Variants in EP300 observed in about 807,000 individuals in gnomAD.
EP300 encodes histone acetyltransferase p300.
In EP300, 31 loss-of-function variants were observed where a neutral mutation model predicts 264.0. The ratio of observed to expected loss-of-function variants is 0.12; its 90% CI spans 0.09 to 0.16. EP300 has a LOEUF of 0.16. Ranked by LOEUF, EP300 falls within the 10% of genes least tolerant of loss-of-function variation. The pLI, the probability that EP300 is intolerant of heterozygous loss-of-function variation, is 1.00. For synonymous variants in EP300, 1,340 were observed against 1,045.4 expected (o/e 1.28, Z -5.44); for missense variants, 2,766 against 3,052.9 (o/e 0.91, Z 2.21).
At chr22:41,153,911 T>C (rs927591195) in intron 16 of EP300, among the ~76,000 whole-genome samples, 8 of 152,040 alleles carry the variant, frequency 5.3e-5, no homozygotes, top group Admixed American at 1.3e-4. Context: ...GTAACAAATA[T>C]ACTCTACCGA....
At position 41,147,595 on chromosome 22, in the gene EP300, G is replaced by C. The variant is rs886938438; in HGVS notation, c.2132-242G>C. Among the ~76,000 whole-genome samples, 5 of 152,168 alleles carry C rather than the reference G, an allele frequency of 3.3e-5. No homozygotes were observed. In the East Asian group the frequency reaches 9.7e-4, roughly 30 times the overall value. On this transcript the variant is annotated intron_variant, in intron 11 of 30. Transcript: ENST00000263253. Reference sequence around the variant, plus strand: ...CTACTAAAAATACAAAAAATTAGCTGGGTGTGGTGGCGGACGCCTGTAGTC... The same window carrying C: ...CTACTAAAAATACAAAAAATTAGCTCGGTGTGGTGGCGGACGCCTGTAGTC...
intron 1 of EP300, among the ~76,000 whole-genome samples, chr22:41,102,023 T>C (rs913819739): frequency 7.0e-6 from 1 of 143,742 alleles, no homozygotes; most frequent in African/African-American, 2.5e-5. Flanking sequence ...TGCTTTTTTT[T>C]CTTTTCTTTT....
chr22:41,171,665 G>A (rs1294415935), intron 27 of EP300, among the ~76,000 whole-genome samples: 1 of 139,494 alleles, frequency 7.2e-6, no homozygotes, highest in Non-Finnish European at 1.5e-5. Context: ...TTTTTTTTTT[G>A]GACGGAGTTT....
chr22:41,127,396 A>T (rs770448179), intron 3 of EP300, 91 bp from the exon 4 acceptor site: 20 of 1,552,914 alleles, frequency 1.3e-5, no homozygotes, highest in Non-Finnish European at 1.8e-5. Context: ...GACTAACCAT[A>T]AAGGTTTTCA....
At position 41,176,582 on chromosome 22, in the gene EP300, G is replaced by A. The variant is rs1348608449; in HGVS notation, c.5061+54G>A. On this transcript the variant is annotated intron_variant, in intron 30 of 30. Coordinates refer to ENST00000263253, the MANE Select transcript of EP300 (RefSeq NM_001429.4). Reference sequence around the variant, plus strand: ...GTGAGCTCCGCAGGGTTGTTCTGAGGGGCCATGCAGCCACGTATTTTATAG... The same window carrying A: ...GTGAGCTCCGCAGGGTTGTTCTGAGAGGCCATGCAGCCACGTATTTTATAG... 8 of 1,611,406 alleles carry A rather than the reference G, an allele frequency of 5.0e-6. No homozygotes were observed. In the East Asian group the frequency reaches 1.6e-4, roughly 31 times the overall value.
rs561569141 is a variant in EP300 at position 41,179,288 on chromosome 22, A to AT, written c.*340dup. The AT allele has an allele frequency of 4.6e-3, 1,383 of 301,206 alleles. 16 individuals carry two copies. The highest frequency in any genetic ancestry group is 0.026 in the African/African-American group (1,213 of 47,212). The allele number at this position is 301,206 out of a possible 1,614,324, so 18.7% of individuals were successfully genotyped here. ...CCTTGCACCTCCAATAGGTTTTATT[A>AT]TTTTTTTTAAATTAATGAACATATG... is the stretch of plus-strand genomic sequence containing the variant. On this transcript the variant is annotated 3_prime_UTR_variant, in exon 31 of 31. Coordinates refer to ENST00000263253, the MANE Select transcript of EP300 (RefSeq NM_001429.4).
intron 2 of EP300, among the ~76,000 whole-genome samples, chr22:41,118,177 C>A (rs2058832089): frequency 6.6e-6 from 1 of 152,084 alleles, no homozygotes; most frequent in Non-Finnish European, 1.5e-5. Flanking sequence ...TCCATTTGTT[C>A]CTATTGCTTT....
chr22:41,166,076 C>T (rs553651725), intron 22 of EP300, among the ~76,000 whole-genome samples: 25 of 152,178 alleles, frequency 1.6e-4, no homozygotes, highest in Non-Finnish European at 3.2e-4. Flanking sequence ...GGAGCCACCA[C>T]GCCTGGCTGG....
intron 29 of EP300, among the ~76,000 whole-genome samples, chr22:41,175,424 A>G (rs2059194954): frequency 6.6e-6 from 1 of 152,254 alleles, no homozygotes; most frequent in Non-Finnish European, 1.5e-5. Flanking sequence ...TGTCAAATAC[A>G]TATGTAATAC....
At position 41,093,049 on chromosome 22, in the gene EP300, G is replaced by C. The variant is rs752119517; in HGVS notation, c.45G>C (p.Arg15=). 1 of 1,614,138 alleles carries C rather than the reference G, an allele frequency of 6.2e-7. No individual in the cohort carries two copies. Among genetic ancestry groups the C allele is most frequent in the East Asian group, 2.2e-5 (1 of 44,878 alleles). ...AACCGGGGCCGCCTTCAGCCAAGCG[G>C]CCTAAACTCTCATCTCCGGCCCTCT... ...VVEPGPPSAK[R]PKLSSPALSA... Residue 15 remains arginine (R), a synonymous_variant, in exon 1 of 31, where the codon CGG becomes CGC. Coordinates refer to ENST00000263253, the MANE Select transcript of EP300 (RefSeq NM_001429.4).
intron 12 of EP300, among the ~76,000 whole-genome samples, chr22:41,148,571 C>T (rs1393428218): frequency 6.6e-6 from 1 of 152,116 alleles, no homozygotes; most frequent in Non-Finnish European, 1.5e-5. Flanking sequence ...TGACATGTAA[C>T]AGTGCTAGAG....
At position 41,117,406 on chromosome 22, in the gene EP300, CCAGCCA is replaced by C. The variant is rs762428926; in HGVS notation, c.315_320del (p.Ser106_Gln107del). The C allele has an allele frequency of 5.0e-6, 8 of 1,614,184 alleles. No individual in the cohort carries two copies. In the South Asian group the frequency reaches 8.8e-5, roughly 18 times the overall value. ...GTTGGTGGCCCAGGTCAAGTCATGG[CCAGCCA>C]GGCCCAACAGAGCAGTCCTGGATTA... On this transcript the variant is annotated inframe_deletion, in exon 2 of 31. Coordinates refer to ENST00000263253, the MANE Select transcript of EP300 (RefSeq NM_001429.4).
Position 41,172,672 on chromosome 22 carries a change from A to C in EP300, c.4617+9A>C, listed in dbSNP as rs369538643. On this transcript the variant is annotated intron_variant, in intron 28 of 30. Transcript: ENST00000263253. ...GCAATGAAAGCACAGATGTAAGGGC[A>C]TTGAGTTTCCTTTGAAACTTCTATC... 5.0e-6 allele frequency: 8 copies of C among 1,610,942 alleles called. No homozygotes were observed. The African/African-American group carries it at 1.1e-4, about 22-fold the overall frequency.
intron 29 of EP300, among the ~76,000 whole-genome samples, chr22:41,175,723 T>C (rs1383725003): frequency 6.6e-6 from 1 of 152,226 alleles, no homozygotes; most frequent in Admixed American, 6.5e-5. Context: ...GTAGACTGCC[T>C]TGAGGCAAAA....
Position 41,131,590 on chromosome 22 carries a change from G to T in EP300, c.1485G>T (p.Gln495His). ...QVQAKNQQNQQPGQSPQGMRP... is the reference protein window; with the variant it reads ...QVQAKNQQNQHPGQSPQGMRP... ...AAGCAAAGAACCAGCAGAATCAGCA[G>T]CCTGGGCAGTCTCCCCAAGGCATGC... is the stretch of plus-strand genomic sequence containing the variant. Residue 495 changes from glutamine (Q) to histidine (H), a missense_variant, in exon 6 of 31, where the codon CAG (glutamine) becomes CAT (histidine). Coordinates refer to ENST00000263253, the MANE Select transcript of EP300 (RefSeq NM_001429.4). 1 of 1,614,160 alleles carries T rather than the reference G, an allele frequency of 6.2e-7. No individual in the cohort carries two copies.
At chr22:41,167,664 T>C (rs1480723007) in intron 23 of EP300, among the ~76,000 whole-genome samples, 27 of 129,878 alleles carry the variant, frequency 2.1e-4, no homozygotes, top group African/African-American at 8.0e-4. Flanking sequence ...TTTTTTGTTT[T>C]TTGGAAACAA....
At chr22:41,170,267 C>T (rs2059161913) in intron 26 of EP300, 139 bp from the exon 27 acceptor site, 1 of 753,236 alleles carries the variant, frequency 1.3e-6, no homozygotes, top group Non-Finnish European at 2.2e-6. Flanking sequence ...ATGTTAATCT[C>T]ATTCTGGGTT....
intron 2 of EP300, among the ~76,000 whole-genome samples, chr22:41,122,186 A>T (rs2058856518): frequency 9.0e-6 from 1 of 111,244 alleles, no homozygotes; most frequent in Admixed American, 1.0e-4. Flanking sequence ...TTTTTTGGAG[A>T]CAGAGTTTCG....
Position 41,176,522 on chromosome 22 carries a change from C to T in EP300, c.5055C>T (p.Val1685=), listed in dbSNP as rs2145513976. 1 of 1,613,836 alleles carries T rather than the reference C, an allele frequency of 6.2e-7. No individual in the cohort carries two copies. Among genetic ancestry groups the T allele is most frequent in the Non-Finnish European group, 8.5e-7 (1 of 1,180,016 alleles). ...TGGAGACACGCTGGCACTGTACTGTCTGTGAGGTAGGCACCGGGTTGTGGG... is the reference window on the plus strand; with the variant it reads ...TGGAGACACGCTGGCACTGTACTGTTTGTGAGGTAGGCACCGGGTTGTGGG... The part of the protein sequence containing the change: ...HHVETRWHCT[V]CEDYDLCITC... The change falls in exon 30 of 31, where the codon GTC becomes GTT. Residue 1685 remains valine, a synonymous_variant. Transcript: ENST00000263253.
Sources: gnomAD v4.1 joint callset for allele counts (sites outside exome capture counted in the v4.1 genomes callset) on GRCh38, gnomAD v4.1.1 for gene constraint, MANE v1.5 for transcripts, NCBI Gene and HGNC (gene_info 2026-07-23, HGNC 2026-07-21) for gene names.